Variants in FRAS1 observed in about 807,000 individuals in gnomAD.
FRAS1 encodes the protein Fraser extracellular matrix complex subunit 1, also known as extracellular matrix organizing protein FRAS1.
Under a neutral mutation model 435.2 loss-of-function variants are expected in FRAS1, and 290 were observed. That is an observed-to-expected ratio of 0.67 (90% CI 0.61 to 0.73). The LOEUF is 0.73. Ranked by LOEUF, FRAS1 falls within the 30% of genes least tolerant of loss-of-function variation. The pLI is 0.00. For missense variants in FRAS1, 4,860 were observed against 5,001.5 expected (o/e 0.97, Z 0.85); for synonymous variants, 1,800 against 1,851.0 (o/e 0.97, Z 0.71).
intron 18 of FRAS1, among the ~76,000 whole-genome samples, chr4:78,326,469 A>G (rs144136981): frequency 6.6e-6 from 1 of 152,182 alleles, no homozygotes; most frequent in Non-Finnish European, 1.5e-5. Context: ...TTGGGGATAG[A>G]TAGTGAGTAA....
chr4:78,164,619 A>G (rs1405106259), intron 2 of FRAS1, among the ~76,000 whole-genome samples: 1 of 152,140 alleles, frequency 6.6e-6, no homozygotes, highest in East Asian at 1.9e-4. Flanking sequence ...GAAAGAACCT[A>G]AAGTTTAAAG....
intron 47 of FRAS1, among the ~76,000 whole-genome samples, chr4:78,458,914 G>A (rs535940057): frequency 6.6e-6 from 1 of 152,306 alleles, no homozygotes; most frequent in East Asian, 1.9e-4. Context: ...ATATAGAGCA[G>A]AAAGAAAGCA....
At chr4:78,098,418 A>G (rs924521509) in intron 2 of FRAS1, among the ~76,000 whole-genome samples, 1 of 151,724 alleles carries the variant, frequency 6.6e-6, no homozygotes, top group Non-Finnish European at 1.5e-5. Flanking sequence ...GGGACTACAG[A>G]TGCACACCAC....
At chr4:78,516,771 C>G (rs1258282816) in intron 66 of FRAS1, among the ~76,000 whole-genome samples, 1 of 152,222 alleles carries the variant, frequency 6.6e-6, no homozygotes, top group Non-Finnish European at 1.5e-5. Context: ...CATCAGATCT[C>G]ATGAGAACTC....
At chr4:78,135,845 A>C (rs1274302272) in intron 2 of FRAS1, among the ~76,000 whole-genome samples, 1 of 152,180 alleles carries the variant, frequency 6.6e-6, no homozygotes, top group Admixed American at 6.5e-5. Context: ...CATTATTTGC[A>C]ATAGTCATGT....
chr4:78,519,824 T>A (rs17430334), intron 67 of FRAS1, among the ~76,000 whole-genome samples: 21,215 of 152,230 alleles, frequency 0.14, 1,774 homozygotes, highest in Non-Finnish European at 0.2. Flanking sequence ...TGTGTGGTTC[T>A]TGTTTTTACA....
intron 64 of FRAS1, among the ~76,000 whole-genome samples, chr4:78,512,867 C>T (rs1370535924): frequency 2.6e-5 from 4 of 152,134 alleles, no homozygotes; most frequent in African/African-American, 9.7e-5. Flanking sequence ...TCAGGAGAGA[C>T]AGTATAAGTA....
intron 59 of FRAS1, among the ~76,000 whole-genome samples, chr4:78,489,741 C>G (rs957972698): frequency 2.0e-5 from 3 of 152,032 alleles, no homozygotes; most frequent in African/African-American, 7.2e-5. Context: ...TTATTACCAC[C>G]TCTTAATCTC....
At chr4:78,211,693 A>T (rs1560582943) in intron 2 of FRAS1, among the ~76,000 whole-genome samples, 2 of 152,174 alleles carry the variant, frequency 1.3e-5, no homozygotes, top group Non-Finnish European at 2.9e-5. Context: ...TTTAAAAAAA[A>T]TTGTTGTAAT....
intron 59 of FRAS1, among the ~76,000 whole-genome samples, chr4:78,496,329 A>G (rs945655429): frequency 6.6e-6 from 1 of 152,220 alleles, no homozygotes; most frequent in Non-Finnish European, 1.5e-5. Context: ...TCTTTAGCCT[A>G]ACGCAAAGCC....
intron 18 of FRAS1, among the ~76,000 whole-genome samples, 177 bp from the exon 19 acceptor site, chr4:78,333,095 C>A (rs1050872144): frequency 2.0e-5 from 3 of 152,068 alleles, no homozygotes; most frequent in African/African-American, 7.2e-5. Context: ...CAAATGCTTG[C>A]TTTGCAGGAG....
chr4:78,342,395 A>G (rs1730428066), intron 20 of FRAS1, among the ~76,000 whole-genome samples: 1 of 152,210 alleles, frequency 6.6e-6, no homozygotes, highest in African/African-American at 2.4e-5. Context: ...CTCCAAGTCT[A>G]TCAAAGCAAA....
In FRAS1 at chr4:78,479,443, A is replaced by G; in HGVS notation, c.8168A>G (p.Tyr2723Cys). 4 of 1,596,836 alleles carry G rather than the reference A, an allele frequency of 2.5e-6. No homozygotes were observed. The highest frequency in any genetic ancestry group is 2.6e-6 in the Non-Finnish European group (3 of 1,169,214). The change falls in exon 56 of 74, where the codon TAT (tyrosine) becomes TGT (cysteine). Residue 2723 changes from tyrosine to cysteine, a missense_variant. Transcript: ENST00000512123. ...AAGTCAGCTATGGGAAGTAGCCTCT[A>G]TGCTCTAGAATCAGGCTCTGATTTT... The part of the protein sequence containing the change: ...VPKSAMGSSL[Y>C]ALESGSDFKS...
At chr4:78,213,791 T>G (rs1192559642) in intron 2 of FRAS1, among the ~76,000 whole-genome samples, 2 of 152,214 alleles carry the variant, frequency 1.3e-5, no homozygotes, top group African/African-American at 2.4e-5. Context: ...GCGCTCTTCT[T>G]GGGCAGGAAA....
intron 6 of FRAS1, among the ~76,000 whole-genome samples, chr4:78,255,878 T>C (rs1439551188): frequency 1.3e-5 from 2 of 152,264 alleles, no homozygotes; most frequent in African/African-American, 4.8e-5. Context: ...CATTTAAAGC[T>C]GATCTGATTC....
intron 27 of FRAS1, among the ~76,000 whole-genome samples, chr4:78,381,185 G>A (rs1001862237): frequency 1.3e-5 from 2 of 152,156 alleles, no homozygotes; most frequent in South Asian, 4.1e-4. Context: ...CATCCTCGAA[G>A]GACAAAAGGT....
At chr4:78,151,381 T>G (rs1187166714) in intron 2 of FRAS1, among the ~76,000 whole-genome samples, 1 of 152,144 alleles carries the variant, frequency 6.6e-6, no homozygotes. Flanking sequence ...GTCATTGAGA[T>G]ATTGATAGTA....
intron 32 of FRAS1, among the ~76,000 whole-genome samples, chr4:78,416,669 T>C (rs549530594): frequency 3.9e-5 from 6 of 152,266 alleles, no homozygotes; most frequent in African/African-American, 1.4e-4. Context: ...GATAAGTGTG[T>C]GGGCTGGGGC....
intron 34 of FRAS1, among the ~76,000 whole-genome samples, chr4:78,423,255 C>T (rs1733862747): frequency 6.6e-6 from 1 of 152,012 alleles, no homozygotes; most frequent in Admixed American, 6.6e-5. Flanking sequence ...CAACTTCCGC[C>T]TCCCAGATTC....
Sources: gnomAD v4.1 joint callset for allele counts (sites outside exome capture counted in the v4.1 genomes callset) on GRCh38, gnomAD v4.1.1 for gene constraint, MANE v1.5 for transcripts, NCBI Gene and HGNC (gene_info 2026-07-23, HGNC 2026-07-21) for gene names.